Variants in CADPS2 observed in about 807,000 individuals in gnomAD.
CADPS2 encodes calcium-dependent secretion activator 2.
CADPS2 carries 93 observed loss-of-function variants against 172.5 expected under a neutral mutation model. The observed-to-expected ratio is 0.54, with a 90% CI of 0.46 to 0.64. The LOEUF is 0.64. CADPS2 is among the 30% of genes least tolerant of loss of function. The probability of loss-of-function intolerance (pLI) is 0.00; values close to 1 mark genes in which losing one functional copy is unlikely to be tolerated. For missense variants in CADPS2, 1,420 were observed against 1,565.9 expected, an observed-to-expected ratio of 0.91 and a Z score of 1.57; for synonymous variants, 546 against 555.2, an observed-to-expected ratio of 0.98 and a Z score of 0.23.
At chr7:122,833,022 T>C (rs1237091636) in intron 1 of CADPS2, among the ~76,000 whole-genome samples, 1 of 152,166 alleles carries the variant, frequency 6.6e-6, no homozygotes, top group African/African-American at 2.4e-5. Context: ...CTATGAAAAA[T>C]TGTGAGAAAC....
chr7:122,698,175 T>C, intron 2 of CADPS2: 1 of 1,614,008 alleles, frequency 6.2e-7, no homozygotes, highest in Non-Finnish European at 8.5e-7. Context: ...TTGGATTTAT[T>C]TCTTCATCCC....
intron 25 of CADPS2, among the ~76,000 whole-genome samples, chr7:122,369,189 TGGCG>T (rs1235160734): frequency 2.4e-5 from 3 of 123,038 alleles, no homozygotes; most frequent in African/African-American, 6.2e-5. Flanking sequence ...TGGAGTGCAG[TGGCG>T]CAATCTCGGC....
Position 122,321,968 on chromosome 7 carries a change from A to G in CADPS2, c.3718-1630T>C, listed in dbSNP as rs371400150. Among the ~76,000 whole-genome samples, 9 of 152,336 alleles carry G rather than the reference A, an allele frequency of 5.9e-5. No homozygotes were observed. In the South Asian group the frequency reaches 1.9e-3, roughly 32 times the overall value. On this transcript the variant is annotated intron_variant, in intron 29 of 29. Transcript: ENST00000449022. The stretch of plus-strand genomic sequence containing the variant: ...CATAATAAGCTCATTCTAAGTCATA[A>G]GTTATTATGACTAAGGTAGTACTCT...
At chr7:122,838,118 G>C (rs988229772) in intron 1 of CADPS2, among the ~76,000 whole-genome samples, 1 of 152,172 alleles carries the variant, frequency 6.6e-6, no homozygotes, top group African/African-American at 2.4e-5. Flanking sequence ...TGCAAGGCTG[G>C]TTCAACATAT....
chr7:122,571,385 T>C (rs911986231), intron 7 of CADPS2, among the ~76,000 whole-genome samples: 10 of 152,140 alleles, frequency 6.6e-5, no homozygotes, highest in African/African-American at 2.4e-4. Flanking sequence ...TCTGAGGAAA[T>C]AGTAAAATGT....
chr7:122,567,479 T>C (rs889852892), intron 7 of CADPS2, among the ~76,000 whole-genome samples: 5 of 152,190 alleles, frequency 3.3e-5, no homozygotes, highest in East Asian at 1.9e-4. Context: ...ATCCCCTTTT[T>C]TTCTTCCTGA....
intron 6 of CADPS2, among the ~76,000 whole-genome samples, chr7:122,588,959 G>A (rs1259287106): frequency 2.0e-5 from 3 of 151,944 alleles, no homozygotes; most frequent in Non-Finnish European, 2.9e-5. Context: ...ATTTTTAACC[G>A]CATGCCTTCT....
intron 15 of CADPS2, among the ~76,000 whole-genome samples, chr7:122,442,074 C>T (rs932753472): frequency 7.2e-5 from 11 of 152,194 alleles, no homozygotes; most frequent in Non-Finnish European, 2.9e-5. Context: ...ATACAATACA[C>T]ATAAACCCTC....
intron 13 of CADPS2, among the ~76,000 whole-genome samples, chr7:122,472,319 T>G (rs1333858099): frequency 2.0e-5 from 3 of 150,954 alleles, no homozygotes; most frequent in Non-Finnish European, 3.0e-5. Context: ...AAATAAAGAA[T>G]AATGAGAAAA....
intron 2 of CADPS2, among the ~76,000 whole-genome samples, chr7:122,734,358 A>AAG: frequency 1.4e-5 from 1 of 73,580 alleles, no homozygotes; most frequent in South Asian, 3.4e-4. Context: ...AGAAATAGTA[A>AAG]AAAAAAAAAA....
chr7:122,519,119 T>C (rs1282015821), intron 8 of CADPS2, among the ~76,000 whole-genome samples: 1 of 152,026 alleles, frequency 6.6e-6, no homozygotes, highest in Non-Finnish European at 1.5e-5. Context: ...CCAATCAAAG[T>C]TAAATTTGAT....
chr7:122,695,945 T>A (rs2085014370), intron 2 of CADPS2, among the ~76,000 whole-genome samples: 1 of 151,866 alleles, frequency 6.6e-6, no homozygotes, highest in African/African-American at 2.4e-5. Context: ...CTACCAGATG[T>A]CATGGAACAA....
chr7:122,625,353 T>C (rs142674759), intron 4 of CADPS2, among the ~76,000 whole-genome samples: 2,420 of 152,278 alleles, frequency 0.016, 25 homozygotes, highest in Non-Finnish European at 0.023. Context: ...TCTAGCCCAA[T>C]TAATTTTGTT....
chr7:122,532,122 A>T (rs928042984), intron 8 of CADPS2, among the ~76,000 whole-genome samples: 6 of 152,180 alleles, frequency 3.9e-5, no homozygotes, highest in Admixed American at 3.9e-4. Context: ...GACATTGCAA[A>T]AAGTTAGATT....
chr7:122,847,112 A>G (rs1008534489), intron 1 of CADPS2, among the ~76,000 whole-genome samples: 1 of 151,592 alleles, frequency 6.6e-6, no homozygotes, highest in African/African-American at 2.4e-5. Flanking sequence ...TTTGAAATGG[A>G]GTCTTGCTGT....
intron 7 of CADPS2, among the ~76,000 whole-genome samples, chr7:122,561,134 T>C (rs1478964710): frequency 6.6e-6 from 1 of 152,148 alleles, no homozygotes; most frequent in Non-Finnish European, 1.5e-5. Context: ...ACAGACACAG[T>C]GCTCTTTTGT....
At position 122,529,713 on chromosome 7, in the gene CADPS2, A is replaced by G. The variant is rs540598738; in HGVS notation, c.1476-16398T>C. 2.6e-5 allele frequency among the ~76,000 whole-genome samples: 4 copies of G among 152,244 alleles called. No homozygotes were observed. The South Asian group carries it at 8.3e-4, about 32-fold the overall frequency. On this transcript the variant is annotated intron_variant, in intron 8 of 29. Transcript: ENST00000449022. The stretch of plus-strand genomic sequence containing the variant: ...GAAACATAAGATTTATTCAGCTTCA[A>G]TTAAGAAGGTATGTTATTTTTCCAC...
chr7:122,759,984 TTA>T lies in CADPS2; in HGVS notation c.340-22918_340-22917del, dbSNP rs374466187. 1.6e-3 allele frequency among the ~76,000 whole-genome samples: 235 copies of T among 148,274 alleles called. No homozygotes were observed. In the Middle Eastern group the frequency reaches 0.017, roughly 11 times the overall value. ...TTATGTGGGTGTATATAGGTGTATT[TTA>T]TATATATATATATATACACACACAC... On this transcript the variant is annotated intron_variant, in intron 1 of 29. Coordinates refer to ENST00000449022, the MANE Select transcript of CADPS2 (RefSeq NM_017954.11).
intron 3 of CADPS2, among the ~76,000 whole-genome samples, chr7:122,637,165 ATTTTGCTTTTTTTTTT>A (rs2077150428): frequency 1.0e-5 from 1 of 95,640 alleles, no homozygotes; most frequent in Non-Finnish European, 2.1e-5. Context: ...GCATTATGAA[ATTTTGCTTTTTTTTTT>A]TTTTTTTTTT....
Sources: gnomAD v4.1 joint callset for allele counts (sites outside exome capture counted in the v4.1 genomes callset) on GRCh38, gnomAD v4.1.1 for gene constraint, MANE v1.5 for transcripts, NCBI Gene and HGNC (gene_info 2026-07-23, HGNC 2026-07-21) for gene names.